The following SH3BP5 variants were observed in gnomAD, a reference collection of about 807,000 sequenced individuals.
SH3BP5 encodes the protein SH3 domain binding protein 5, also known as SH3 domain-binding protein 5.
Under a neutral mutation model 43.3 loss-of-function variants are expected in SH3BP5, and 22 were observed. That is an observed-to-expected ratio of 0.51 (90% CI 0.36 to 0.73). The LOEUF is 0.73. SH3BP5 is among the 30% of genes least tolerant of loss of function. The pLI is 0.00. For synonymous variants in SH3BP5, 255 were observed against 225.8 expected (o/e 1.13, Z -1.16); for missense variants, 529 against 586.9 (o/e 0.90, Z 1.02).
intron 1 of SH3BP5, among the ~76,000 whole-genome samples, chr3:15,340,702 G>A (rs1210781258): frequency 6.6e-6 from 1 of 152,098 alleles, no homozygotes; most frequent in African/African-American, 2.4e-5. Flanking sequence ...AGTAAGCCAA[G>A]ATCGCGCCAC....
At chr3:15,299,483 A>ATTTTTTTT (rs60281447) in intron 3 of SH3BP5, among the ~76,000 whole-genome samples, 2 of 92,276 alleles carry the variant, frequency 2.2e-5, no homozygotes, top group Non-Finnish European at 4.3e-5. Context: ...CAACAATTAG[A>ATTTTTTTT]TTTTTTTTTT....
Position 15,257,016 on chromosome 3 carries a change from T to C in SH3BP5, c.987A>G (p.Thr329=). Residue 329 remains threonine, a synonymous_variant, in exon 8 of 9, where the codon ACA becomes ACG. Coordinates refer to ENST00000383791, the MANE Select transcript of SH3BP5 (RefSeq NM_004844.5). ...QSVSSFSSGP[T]SPSEMPDQFP... ...ACTGGTCAGGCATCTCAGACGGGCT[T>C]GTTGGTCCTGAACTAAAGCTGGACA... 1 of 1,614,192 alleles carries C rather than the reference T, an allele frequency of 6.2e-7. No individual in the cohort carries two copies.
chr3:15,325,557 T>C (rs551469546), intron 2 of SH3BP5, among the ~76,000 whole-genome samples: 1 of 152,364 alleles, frequency 6.6e-6, no homozygotes, highest in East Asian at 1.9e-4. Flanking sequence ...CTCCTTTGTA[T>C]ACATCAGATA....
chr3:15,310,968 C>T (rs189096408), intron 2 of SH3BP5, among the ~76,000 whole-genome samples: 1 of 152,066 alleles, frequency 6.6e-6, no homozygotes, highest in Admixed American at 6.6e-5. Flanking sequence ...CAGGATGAGT[C>T]AGTGTTTTCT....
chr3:15,293,339 G>C (rs921537850), intron 3 of SH3BP5, among the ~76,000 whole-genome samples: 1 of 152,236 alleles, frequency 6.6e-6, no homozygotes, highest in African/African-American at 2.4e-5. Flanking sequence ...CCAAAGTCCC[G>C]TGGCAAGAAC....
At chr3:15,341,003 G>T (rs192615357) in intron 1 of SH3BP5, among the ~76,000 whole-genome samples, 43 of 152,246 alleles carry the variant, frequency 2.8e-4, no homozygotes, top group African/African-American at 9.4e-4. Context: ...GATGAGCCGA[G>T]AGCACACCAC....
chr3:15,256,693 C>G (rs1179992207), intron 8 of SH3BP5, 160 bp downstream of exon 8: 2 of 874,448 alleles, frequency 2.3e-6, no homozygotes, highest in Non-Finnish European at 3.4e-6. Flanking sequence ...CAGAACAGCA[C>G]TTGGAAACAA....
At chr3:15,270,672 C>T (rs1332404130) in intron 3 of SH3BP5, among the ~76,000 whole-genome samples, 1 of 152,100 alleles carries the variant, frequency 6.6e-6, no homozygotes, top group Non-Finnish European at 1.5e-5. Context: ...TGGCTCACAC[C>T]TGTAATCCCA....
rs375081454 is a variant in SH3BP5, at chr3:15,259,710, C to G, written c.669+51G>C. 13 of 1,562,768 alleles carry G rather than the reference C, an allele frequency of 8.3e-6. No homozygotes were observed. In the African/African-American group the frequency reaches 1.5e-4, roughly 18 times the overall value. On this transcript the variant is annotated intron_variant, in intron 6 of 8. Coordinates refer to ENST00000383791, the MANE Select transcript of SH3BP5 (RefSeq NM_004844.5). ...ACTCTGCTACCCCAGAAAAGTGAAG[C>G]TTTGAGTGCAGAAAAATCTCATCAG...
At chr3:15,283,120 A>G (rs1028314399) in intron 3 of SH3BP5, among the ~76,000 whole-genome samples, 2 of 152,238 alleles carry the variant, frequency 1.3e-5, no homozygotes, top group African/African-American at 4.8e-5. Context: ...AAACAAGACC[A>G]GGTGCGGTGG....
At chr3:15,270,121 A>G (rs1696758741) in intron 3 of SH3BP5, among the ~76,000 whole-genome samples, 1 of 152,128 alleles carries the variant, frequency 6.6e-6, no homozygotes, top group Admixed American at 6.5e-5. Context: ...AGATAAACAC[A>G]TCAGCCCTTG....
chr3:15,279,107 T>C (rs369458040), intron 3 of SH3BP5, among the ~76,000 whole-genome samples: 166 of 152,050 alleles, frequency 1.1e-3, no homozygotes, highest in African/African-American at 3.6e-3. Context: ...GAGGTGGAGG[T>C]TGCAGTGAGC....
chr3:15,275,154 G>C (rs1186850417), intron 3 of SH3BP5, among the ~76,000 whole-genome samples: 1 of 152,216 alleles, frequency 6.6e-6, no homozygotes, highest in Non-Finnish European at 1.5e-5. Context: ...CACTGAGGAA[G>C]CACCATGCTG....
At chr3:15,330,709 T>C in intron 1 of SH3BP5, 143 bp from the exon 2 acceptor site, 1 of 1,402,366 alleles carries the variant, frequency 7.1e-7, no homozygotes. Context: ...CGGCAAACAG[T>C]TGAGGCTTGA....
chr3:15,258,602 G>T (rs1345862222), intron 7 of SH3BP5: 1 of 564,614 alleles, frequency 1.8e-6, no homozygotes, highest in African/African-American at 1.9e-5. Flanking sequence ...AGGAGTGAAG[G>T]TGTAACATTT....
upstream of SH3BP5, among the ~76,000 whole-genome samples, chr3:15,336,174 T>C (rs897980198): frequency 6.6e-6 from 1 of 152,062 alleles, no homozygotes; most frequent in Non-Finnish European, 1.5e-5. Context: ...GTACCACATA[T>C]ACTTTTGGGG....
At chr3:15,293,743 C>G (rs1441360191) in intron 3 of SH3BP5, among the ~76,000 whole-genome samples, 2 of 152,132 alleles carry the variant, frequency 1.3e-5, no homozygotes, top group African/African-American at 4.8e-5. Context: ...TTAAAGTCCC[C>G]AAGCCTCAGT....
intron 4 of SH3BP5, among the ~76,000 whole-genome samples, chr3:15,267,513 G>C (rs774923107): frequency 6.6e-6 from 1 of 152,140 alleles, no homozygotes; most frequent in Non-Finnish European, 1.5e-5. Flanking sequence ...CATGTGACCC[G>C]GAACACCTGC....
intron 3 of SH3BP5, among the ~76,000 whole-genome samples, chr3:15,283,668 C>G (rs1466872022): frequency 6.6e-6 from 1 of 152,232 alleles, no homozygotes; most frequent in East Asian, 1.9e-4. Context: ...TCAGCTCTTT[C>G]TCTGTCCCTA....
Sources: gnomAD v4.1 joint callset for allele counts (sites outside exome capture counted in the v4.1 genomes callset) on GRCh38, gnomAD v4.1.1 for gene constraint, MANE v1.5 for transcripts, NCBI Gene and HGNC (gene_info 2026-07-23, HGNC 2026-07-21) for gene names.